The following SCP2 variants were observed in gnomAD, a reference collection of about 807,000 sequenced individuals.
SCP2 encodes sterol carrier protein 2.
Under a neutral mutation model 71.4 loss-of-function variants are expected in SCP2, and 48 were observed. The ratio of observed to expected loss-of-function variants is 0.67; its 90% CI spans 0.53 to 0.86. The LOEUF (loss-of-function observed/expected upper bound fraction) is 0.86, where lower values mean the gene tolerates loss of function less well. Ranked by LOEUF, SCP2 falls within the 40% of genes least tolerant of loss-of-function variation. SCP2 has a pLI of 0.00. For missense variants in SCP2, 560 were observed against 655.6 expected, an observed-to-expected ratio of 0.85 and a Z score of 1.59; for synonymous variants, 220 against 218.1, an observed-to-expected ratio of 1.01 and a Z score of -0.08.
intron 6 of SCP2, among the ~76,000 whole-genome samples, chr1:52,970,282 A>C (rs1657344045): frequency 6.6e-6 from 1 of 152,108 alleles, no homozygotes; most frequent in African/African-American, 2.4e-5. Context: ...GGGGTCTTGC[A>C]ATACTACCCA....
intron 5 of SCP2, among the ~76,000 whole-genome samples, chr1:52,957,392 G>T (rs1655922874): frequency 6.6e-6 from 1 of 151,944 alleles, no homozygotes; most frequent in Non-Finnish European, 1.5e-5. Context: ...TACTGCCTGG[G>T]GTACCCCCCT....
intron 8 of SCP2, 70 bp from the exon 9 acceptor site, chr1:52,978,147 G>A: frequency 6.8e-7 from 1 of 1,476,642 alleles, no homozygotes; most frequent in Non-Finnish European, 9.5e-7. Flanking sequence ...TCACATAGAA[G>A]TAACTCCTAG....
At chr1:53,033,554 G>A (rs146556974) in intron 13 of SCP2, among the ~76,000 whole-genome samples, 5,547 of 144,426 alleles carry the variant, frequency 0.038, 203 homozygotes, top group East Asian at 0.2. Flanking sequence ...GCAGTGAGCT[G>A]AGATTGCACC....
At chr1:53,011,738 A>T (rs576018606) in intron 11 of SCP2, among the ~76,000 whole-genome samples, 10 of 152,296 alleles carry the variant, frequency 6.6e-5, no homozygotes, top group Admixed American at 6.5e-4. Context: ...TGAATTACAG[A>T]ATACCTCATC....
chr1:53,037,140 AAATAAT>A (rs1039649245), intron 13 of SCP2, among the ~76,000 whole-genome samples: 8 of 152,214 alleles, frequency 5.3e-5, no homozygotes, highest in South Asian at 2.1e-4. Context: ...CTGTCTCAAA[AAATAAT>A]AATAATAATA....
chr1:52,986,998 ATATATATATTTTTTT>A (rs1467024624), intron 10 of SCP2, among the ~76,000 whole-genome samples: 2 of 89,250 alleles, frequency 2.2e-5, no homozygotes, highest in East Asian at 5.8e-4. Flanking sequence ...ATATATATAT[ATATATATATTTTTTT>A]TTTTTTTTTT....
At chr1:52,934,271 A>G (rs1015404720) in intron 1 of SCP2, among the ~76,000 whole-genome samples, 5 of 152,194 alleles carry the variant, frequency 3.3e-5, no homozygotes, top group Admixed American at 3.3e-4. Flanking sequence ...GAAAATTAGA[A>G]TTTTAGAAAA....
At chr1:53,046,300 T>C (rs1212371395) in intron 14 of SCP2, among the ~76,000 whole-genome samples, 4 of 152,122 alleles carry the variant, frequency 2.6e-5, no homozygotes, top group African/African-American at 9.7e-5. Context: ...CTTTCATTTG[T>C]TTCCCATCCT....
chr1:52,991,511 C>CT (rs1659504943), intron 11 of SCP2, among the ~76,000 whole-genome samples: 1 of 152,030 alleles, frequency 6.6e-6, no homozygotes, highest in Non-Finnish European at 1.5e-5. Flanking sequence ...AGCGATTCTT[C>CT]TGCCTCAGCC....
chr1:53,026,164 G>T (rs1047288618), intron 12 of SCP2, among the ~76,000 whole-genome samples: 1 of 152,038 alleles, frequency 6.6e-6, no homozygotes, highest in African/African-American at 2.4e-5. Flanking sequence ...CAGGGTACAA[G>T]TACTAATTTA....
At chr1:52,934,591 A>ATTT (rs1653497260) in intron 1 of SCP2, among the ~76,000 whole-genome samples, 4 of 42,258 alleles carry the variant, frequency 9.5e-5, no homozygotes, top group Non-Finnish European at 2.3e-4. Context: ...ATTCCAGCTA[A>ATTT]CTTTTTTTTT....
chr1:52,948,799 T>G (rs1655034696), intron 3 of SCP2, among the ~76,000 whole-genome samples: 1 of 152,140 alleles, frequency 6.6e-6, no homozygotes, highest in Non-Finnish European at 1.5e-5. Flanking sequence ...GATTTATGTA[T>G]ATATTGTATA....
rs949849081 is a variant in SCP2, at chr1:53,029,895, G to GT, written c.1338+1835dup. Among the ~76,000 whole-genome samples the GT allele has an allele frequency of 7.3e-3, 1,064 of 146,488 alleles. 4 individuals carry two copies. Among genetic ancestry groups the GT allele is most frequent in the Non-Finnish European group, 0.011 (744 of 65,874 alleles). ...CCATAAATCTAAATCTTTACCCCCT[G>GT]TTTTTTTTTTTGAAACAAAGTCTCG... is the stretch of plus-strand genomic sequence containing the variant. On this transcript the variant is annotated intron_variant, in intron 13 of 15. Coordinates refer to ENST00000371514, the MANE Select transcript of SCP2 (RefSeq NM_002979.5).
intron 11 of SCP2, among the ~76,000 whole-genome samples, chr1:53,011,486 A>T (rs1054832775): frequency 5.9e-5 from 9 of 152,224 alleles, no homozygotes; most frequent in African/African-American, 2.2e-4. Context: ...TTTAGAAGCA[A>T]CCAGATTGTA....
intron 11 of SCP2, 91 bp downstream of exon 11, chr1:52,988,227 T>C: frequency 1.4e-6 from 1 of 739,430 alleles, no homozygotes; most frequent in Non-Finnish European, 2.4e-6. Context: ...AAGATTATAT[T>C]CTCTGAACTT....
At position 53,051,586 on chromosome 1, in the gene SCP2, GAAAATTAAAATAA is replaced by G. The variant is rs1372427617; in HGVS notation, c.*883_*895del. On this transcript the variant is annotated 3_prime_UTR_variant, in exon 16 of 16. Coordinates refer to ENST00000371514, the MANE Select transcript of SCP2 (RefSeq NM_002979.5). ...AATGCTTTGAGAAGAATGTTTAATAGAAAATTAAAATAACTTTTTCTGGCCTCTCTTGTTTTTA... is the reference window on the plus strand; with the variant it reads ...AATGCTTTGAGAAGAATGTTTAATAGCTTTTTCTGGCCTCTCTTGTTTTTA... 2.6e-5 allele frequency: 4 copies of G among 152,224 alleles called. No homozygotes were observed. The East Asian group carries it at 7.7e-4, about 29-fold the overall frequency. The allele number at this position is 152,224 out of a possible 1,614,324, so 9.4% of individuals were successfully genotyped here. A position where few individuals can be genotyped will look rare whatever the true frequency, so the allele number is the denominator to read the frequency against.
At chr1:52,930,796 G>A (rs1020384762) in intron 1 of SCP2, among the ~76,000 whole-genome samples, 2 of 152,008 alleles carry the variant, frequency 1.3e-5, no homozygotes, top group South Asian at 4.2e-4. Flanking sequence ...CTTTATTTTG[G>A]TGCAGCTTTT....
intron 2 of SCP2, chr1:52,943,473 C>CG (rs1463918554): frequency 1.1e-4 from 20 of 190,076 alleles, no homozygotes; most frequent in Admixed American, 5.8e-5. Context: ...CTGCCCACCT[C>CG]GGCCTCCCAA....
intron 1 of SCP2, among the ~76,000 whole-genome samples, chr1:52,927,726 T>C (rs1652595617): frequency 6.6e-6 from 1 of 152,094 alleles, no homozygotes; most frequent in Admixed American, 6.5e-5. Flanking sequence ...CTCACCTCTT[T>C]AGATTCTGAG....
Sources: allele counts gnomAD v4.1 joint callset (sites outside exome capture counted in the v4.1 genomes callset), GRCh38; gene constraint gnomAD v4.1.1; transcripts MANE v1.5; gene names NCBI Gene and HGNC (gene_info 2026-07-23, HGNC 2026-07-21).